The following RICTOR variants were observed in gnomAD, a reference collection of about 807,000 sequenced individuals.
The protein encoded by RICTOR is rapamycin-insensitive companion of mTOR.
RICTOR carries 49 observed loss-of-function variants against 214.9 expected under a neutral mutation model. That is an observed-to-expected ratio of 0.23 (90% CI 0.18 to 0.29). The LOEUF is 0.29. Among genes scored for constraint, RICTOR ranks in the 10% least tolerant of loss-of-function variants. The pLI, the probability that RICTOR is intolerant of heterozygous loss-of-function variation, is 1.00. For synonymous variants in RICTOR, 717 were observed against 711.3 expected, an observed-to-expected ratio of 1.01 and a Z score of -0.13; for missense variants, 1,625 against 2,047.0, an observed-to-expected ratio of 0.79 and a Z score of 3.98.
chr5:39,074,209 T>A (rs754299961), intron 1 of RICTOR, 51 bp from the exon 2 acceptor site: 5 of 1,579,984 alleles, frequency 3.2e-6, no homozygotes, highest in Non-Finnish European at 4.3e-6. Context: ...GCAGGCCAGC[T>A]GCGGCTGCCC....
At chr5:38,946,649 T>A (rs1381982257) in intron 32 of RICTOR, 97 bp from the exon 33 acceptor site, 14 of 732,518 alleles carry the variant, frequency 1.9e-5, no homozygotes, top group Non-Finnish European at 3.1e-5. Context: ...AAAATAGAAT[T>A]ACCATAGCAT....
chr5:38,961,982 A>G (rs1469091510), intron 19 of RICTOR, among the ~76,000 whole-genome samples: 1 of 152,088 alleles, frequency 6.6e-6, no homozygotes, highest in Non-Finnish European at 1.5e-5. Flanking sequence ...AAAGTTGTAT[A>G]TTAAAAATAT....
At chr5:38,956,521 C>A (rs560448254) in intron 25 of RICTOR, among the ~76,000 whole-genome samples, 1 of 152,034 alleles carries the variant, frequency 6.6e-6, no homozygotes, top group Non-Finnish European at 1.5e-5. Context: ...TATTCTGCTC[C>A]TTCTTCCGTG....
chr5:38,954,733 T>C (rs752559177), intron 27 of RICTOR, 41 bp downstream of exon 27: 4 of 1,185,340 alleles, frequency 3.4e-6, no homozygotes, highest in Middle Eastern at 2.0e-4. Flanking sequence ...GTTTTTTTTT[T>C]ACTATTGTAG....
intron 2 of RICTOR, among the ~76,000 whole-genome samples, chr5:39,021,452 T>C (rs1395599424): frequency 6.6e-6 from 1 of 152,122 alleles, no homozygotes; most frequent in African/African-American, 2.4e-5. Flanking sequence ...AATGCAAAAG[T>C]GCTGAGAAGT....
intron 31 of RICTOR, among the ~76,000 whole-genome samples, chr5:38,947,817 A>T (rs1024103761): frequency 6.6e-5 from 10 of 152,156 alleles, no homozygotes; most frequent in African/African-American, 2.4e-4. Context: ...GCATTTATGT[A>T]ACTAAGGATA....
In RICTOR at chr5:39,002,575, G is replaced by T; in HGVS notation, c.352C>A (p.Gln118Lys). Reference protein sequence around the residue: ...RYLIQDSSILQKVLKLKVDYL... With the variant: ...RYLIQDSSILKKVLKLKVDYL... ...TCCACTTTCAATTTTAGCACCTTCT[G>T]GAGAATACTGGAGTCTTGGATGAGA... is the stretch of plus-strand genomic sequence containing the variant. Residue 118 changes from glutamine to lysine, a missense_variant, in exon 5 of 38, where the codon CAG becomes AAG. Coordinates refer to ENST00000357387, the MANE Select transcript of RICTOR (RefSeq NM_152756.5). The T allele has an allele frequency of 1.2e-6, 2 of 1,609,940 alleles. No individual in the cohort carries two copies. Among genetic ancestry groups the T allele is most frequent in the African/African-American group, 2.7e-5 (2 of 74,894 alleles).
In RICTOR at chr5:38,999,191, G is replaced by A. The variant is rs527723063; in HGVS notation, c.393-2309C>T. The stretch of plus-strand genomic sequence containing the variant: ...ATACAAAGATTAACCACAACAAAAC[G>A]TTGAAAAATACAATAATGGCATCAG... On this transcript the variant is annotated intron_variant, in intron 5 of 37. Coordinates refer to ENST00000357387, the MANE Select transcript of RICTOR (RefSeq NM_152756.5). Among the ~76,000 whole-genome samples, 54 of 151,692 alleles carry A rather than the reference G, an allele frequency of 3.6e-4. 1 individual carries two copies. The South Asian group carries it at 0.011, about 30-fold the overall frequency.
chr5:39,027,779 A>C (rs1010083924), intron 2 of RICTOR, among the ~76,000 whole-genome samples: 1 of 152,230 alleles, frequency 6.6e-6, no homozygotes, highest in Non-Finnish European at 1.5e-5. Context: ...AACAATAGAA[A>C]GCAGTCTTAA....
intron 6 of RICTOR, among the ~76,000 whole-genome samples, chr5:38,995,460 TAC>T (rs1379677701): frequency 1.3e-5 from 2 of 151,910 alleles, no homozygotes; most frequent in African/African-American, 4.8e-5. Flanking sequence ...ACATACGGGG[TAC>T]AGTGTACACT....
intron 7 of RICTOR, among the ~76,000 whole-genome samples, chr5:38,985,806 C>G (rs1056562910): frequency 6.6e-6 from 1 of 152,168 alleles, no homozygotes; most frequent in African/African-American, 2.4e-5. Flanking sequence ...AGCGATTCTC[C>G]TGCTTCAGCC....
chr5:38,950,164 G>A lies in RICTOR; in HGVS notation c.3684C>T (p.Gly1228=), dbSNP rs201236997. Reference sequence around the variant, plus strand: ...AAGGACTTGAGCTCATTGAACTTATGCCACTTGTTGTAGTGTCTGTATTGA... The same window carrying A: ...AAGGACTTGAGCTCATTGAACTTATACCACTTGTTGTAGTGTCTGTATTGA... ...QSFNTDTTTS[G]ISSMSSSPSR... Residue 1228 remains glycine, a synonymous_variant, in exon 31 of 38, where the codon GGC becomes GGT. Coordinates refer to ENST00000357387, the MANE Select transcript of RICTOR (RefSeq NM_152756.5). 6.2e-7 allele frequency: 1 copy of A among 1,613,408 alleles called. No homozygotes were observed. Among genetic ancestry groups the A allele is most frequent in the African/African-American group, 1.3e-5 (1 of 74,960 alleles).
At chr5:39,046,807 G>A (rs539021199) in intron 2 of RICTOR, among the ~76,000 whole-genome samples, 5 of 151,682 alleles carry the variant, frequency 3.3e-5, no homozygotes, top group Non-Finnish European at 2.9e-5. Context: ...AAGGTTGCCA[G>A]GGAAAAAAAA....
chr5:38,954,807 G>T lies in RICTOR; in HGVS notation c.2664C>A (p.His888Gln). Reference protein sequence around the residue: ...LPIHLYGQLVHHKTGCHLLEV... With the variant: ...LPIHLYGQLVQHKTGCHLLEV... ...CCAACAAATGGCAGCCTGTTTTATG[G>T]TGTACTAGTTGTCCATAAAGGTGTA... The change falls in exon 27 of 38, where the codon CAC (histidine) becomes CAA (glutamine). Residue 888 changes from histidine (H) to glutamine (Q), a missense_variant. Physicochemically the swap from His to Gln is conservative, Grantham distance 24. Coordinates refer to ENST00000357387, the MANE Select transcript of RICTOR (RefSeq NM_152756.5). 1 of 1,604,258 alleles carries T rather than the reference G, an allele frequency of 6.2e-7. No individual in the cohort carries two copies. Among genetic ancestry groups the T allele is most frequent in the Non-Finnish European group, 8.5e-7 (1 of 1,172,140 alleles).
chr5:39,033,579 T>C (rs1298328026), intron 2 of RICTOR, among the ~76,000 whole-genome samples: 1 of 152,296 alleles, frequency 6.6e-6, no homozygotes, highest in Non-Finnish European at 1.5e-5. Context: ...GTCCTACTTT[T>C]ATAATAATGA....
chr5:39,004,776 C>CTTT lies in RICTOR; in HGVS notation c.196-1157_196-1155dup, dbSNP rs70982534. On this transcript the variant is annotated intron_variant, in intron 3 of 37. Transcript: ENST00000357387. ...GCCACCGCACTGGGCCTCTCAGACT[C>CTTT]TTTTTTTTTTTTTTTTTTTTTTGAG... is the stretch of plus-strand genomic sequence containing the variant. 4.7e-4 allele frequency among the ~76,000 whole-genome samples: 50 copies of CTTT among 105,814 alleles called. 1 individual carries two copies. The highest frequency in any genetic ancestry group is 1.8e-3 in the East Asian group (6 of 3,380). The allele number at this position is 105,814 out of a possible 152,430, so 69.4% of individuals were successfully genotyped here.
rs1419905886 is a variant in RICTOR at position 38,967,438 on chromosome 5, T to A, written c.1061-11A>T. ...GGAACCTCCCTGGATCTAAATTAGT[T>A]AAAATATGGTAGGGAAAAGATTAGA... On this transcript the variant is annotated splice_polypyrimidine_tract_variant and intron_variant, in intron 12 of 37. Coordinates refer to ENST00000357387, the MANE Select transcript of RICTOR (RefSeq NM_152756.5). The A allele has an allele frequency of 3.2e-6, 5 of 1,575,860 alleles. No individual in the cohort carries two copies. The African/African-American group carries it at 5.4e-5, about 17-fold the overall frequency.
At chr5:38,943,588 A>C (rs181262904) in intron 36 of RICTOR, among the ~76,000 whole-genome samples, 4 of 152,198 alleles carry the variant, frequency 2.6e-5, no homozygotes, top group Middle Eastern at 3.4e-3. Context: ...CTGAGACAGG[A>C]GATCACCTGA....
At chr5:38,946,343 ATAATTT>A (rs1748188945) in intron 33 of RICTOR, 119 bp downstream of exon 33, 1 of 637,448 alleles carries the variant, frequency 1.6e-6, no homozygotes, top group Non-Finnish European at 2.8e-6. Context: ...TTGTTTTGGT[ATAATTT>A]TAAAGTTGAT....
Sources: gnomAD v4.1 joint callset for allele counts (sites outside exome capture counted in the v4.1 genomes callset) on GRCh38, gnomAD v4.1.1 for gene constraint, MANE v1.5 for transcripts, NCBI Gene and HGNC (gene_info 2026-07-23, HGNC 2026-07-21) for gene names.